MIOS: variants seen among roughly 807,000 people sequenced by gnomAD.
The protein encoded by MIOS is GATOR2 complex protein MIOS.
A neutral mutation model predicts 96.9 loss-of-function variants in MIOS; 52 were observed. The observed-to-expected ratio is 0.54, with a 90% confidence interval of 0.43 to 0.68. MIOS has a LOEUF of 0.68. Among genes scored for constraint, MIOS ranks in the 30% least tolerant of loss-of-function variants. MIOS has a pLI of 0.00. For missense variants in MIOS, 1,005 were observed against 1,052.8 expected (o/e 0.95, Z 0.63); for synonymous variants, 397 against 359.5 (o/e 1.10, Z -1.18).
At chr7:7,588,600 A>G in intron 8 of MIOS, 37 bp downstream of exon 8, 2 of 1,359,334 alleles carry the variant, frequency 1.5e-6, no homozygotes, top group East Asian at 2.4e-5. Context: ...GAAGTAATTA[A>G]TATGTACTGT....
intron 5 of MIOS, among the ~76,000 whole-genome samples, chr7:7,580,907 G>A (rs1341735947): frequency 1.3e-5 from 2 of 149,732 alleles, no homozygotes; most frequent in Non-Finnish European, 3.0e-5. Context: ...GGCTGTTCTC[G>A]AACTCCCGAC....
At chr7:7,584,731 T>C (rs926133909) in intron 6 of MIOS, among the ~76,000 whole-genome samples, 3 of 152,128 alleles carry the variant, frequency 2.0e-5, no homozygotes, top group Admixed American at 6.5e-5. Flanking sequence ...AGAAAACTTA[T>C]ATAATAAGTG....
At chr7:7,588,034 G>A (rs1007409444) in intron 7 of MIOS, among the ~76,000 whole-genome samples, 9 of 152,066 alleles carry the variant, frequency 5.9e-5, no homozygotes, top group African/African-American at 1.9e-4. Flanking sequence ...CTTTGTACTT[G>A]GAAACGTATA....
Position 7,572,370 on chromosome 7 carries a change from G to A in MIOS, c.-40-66G>A, listed in dbSNP as rs866722625. ...AGAGAATTTTCTGACTTTCTGAATA[G>A]TTTATTCAACGTAAGAATTATATTT... On this transcript the variant is annotated intron_variant, in intron 3 of 12. Coordinates refer to ENST00000340080, the MANE Select transcript of MIOS (RefSeq NM_019005.4). This position sits in a 1 kb window ranked among gnomAD's most constrained non-coding sequence, Gnocchi z 4.8. The A allele has an allele frequency of 6.4e-5, 51 of 794,680 alleles. No homozygotes were observed. In the Middle Eastern group the frequency reaches 1.5e-3, roughly 24 times the overall value. The allele number at this position is 794,680 out of a possible 1,614,324, so 49.2% of individuals were successfully genotyped here. A position where few individuals can be genotyped will look rare whatever the true frequency, so the allele number is the denominator to read the frequency against.
chr7:7,580,850 C>T (rs573386570), intron 5 of MIOS, among the ~76,000 whole-genome samples: 12 of 151,048 alleles, frequency 7.9e-5, no homozygotes, highest in Admixed American at 2.0e-4. Flanking sequence ...CCACACCCGG[C>T]TAATTTTTGT....
At chr7:7,567,385 G>T (rs996807443) in intron 1 of MIOS, 1 of 152,608 alleles carries the variant, frequency 6.6e-6, no homozygotes, top group African/African-American at 2.4e-5. Context: ...CCTGGAGCGG[G>T]AGAGTCGGAC....
At chr7:7,579,338 ATAT>A (rs1408836855) in intron 5 of MIOS, among the ~76,000 whole-genome samples, 2 of 152,226 alleles carry the variant, frequency 1.3e-5, no homozygotes, top group Admixed American at 1.3e-4. Context: ...CATGCAGGAC[ATAT>A]TAATATTTCT....
At chr7:7,603,515 C>T (rs937744299) in intron 11 of MIOS, among the ~76,000 whole-genome samples, 2 of 152,126 alleles carry the variant, frequency 1.3e-5, no homozygotes, top group Non-Finnish European at 2.9e-5. Context: ...CAATGAGATA[C>T]CATCTCACAC....
At chr7:7,579,867 T>C (rs1306478686) in intron 5 of MIOS, among the ~76,000 whole-genome samples, 1 of 152,160 alleles carries the variant, frequency 6.6e-6, no homozygotes, top group African/African-American at 2.4e-5. Context: ...AACAACGAAA[T>C]TGCGTAATGA....
intron 5 of MIOS, among the ~76,000 whole-genome samples, chr7:7,575,432 C>A (rs1783498160): frequency 1.3e-5 from 2 of 151,846 alleles, no homozygotes; most frequent in Non-Finnish European, 2.9e-5. Flanking sequence ...AAAAAGTAAC[C>A]TTTATTATAA....
At chr7:7,571,351 T>A (rs948301527) in intron 3 of MIOS, among the ~76,000 whole-genome samples, 2 of 152,208 alleles carry the variant, frequency 1.3e-5, no homozygotes, top group African/African-American at 4.8e-5. Context: ...ATTCAAAGTT[T>A]GTAGAAGCGA....
At chr7:7,605,854 G>T in intron 11 of MIOS, 88 bp from the exon 12 acceptor site, 1 of 1,311,848 alleles carries the variant, frequency 7.6e-7, no homozygotes, top group Non-Finnish European at 1.0e-6. Context: ...ATTCATATTT[G>T]GAACACAGTT....
Position 7,608,889 on chromosome 7 carries a change from G to T in MIOS, c.*1797G>T, listed in dbSNP as rs1246610592. 1 of 151,992 alleles carries T rather than the reference G, an allele frequency of 6.6e-6. No individual in the cohort carries two copies. Among genetic ancestry groups the T allele is most frequent in the Non-Finnish European group, 1.5e-5 (1 of 67,924 alleles). The allele number at this position is 151,992 out of a possible 1,614,324, so 9.4% of individuals were successfully genotyped here. A position where few individuals can be genotyped will look rare whatever the true frequency, so the allele number is the denominator to read the frequency against. On this transcript the variant is annotated 3_prime_UTR_variant, in exon 13 of 13. Transcript: ENST00000340080. ...ATATGAGGGTGACATTTTTAAGATT[G>T]TATGTATGTGTCAACCTCTTAAATG...
Position 7,566,928 on chromosome 7 carries a change from G to A in MIOS, c.-365G>A, listed in dbSNP as rs1783155399. On this transcript the variant is annotated 5_prime_UTR_variant, in exon 1 of 13. Transcript: ENST00000340080. ...CCGCTGCGCGTCCTCCAGGCGTGGT[G>A]GTGGGGTCGTGGGTCCCAGCCCAGT... 6.6e-6 allele frequency: 1 copy of A among 152,188 alleles called. No individual in the cohort carries two copies. The highest frequency in any genetic ancestry group is 6.5e-5 in the Admixed American group (1 of 15,278). 9.4% of individuals were successfully genotyped at this position (152,188 alleles called of 1,614,324 possible). A position where few individuals can be genotyped will look rare whatever the true frequency, so the allele number is the denominator to read the frequency against.
intron 11 of MIOS, among the ~76,000 whole-genome samples, chr7:7,604,234 A>C (rs1298591357): frequency 6.6e-6 from 1 of 152,082 alleles, no homozygotes; most frequent in Non-Finnish European, 1.5e-5. Flanking sequence ...AAAAAAATAA[A>C]GTGCTGGCTA....
At chr7:7,600,076 C>T (rs1257941757) in intron 11 of MIOS, among the ~76,000 whole-genome samples, 1 of 151,916 alleles carries the variant, frequency 6.6e-6, no homozygotes, top group African/African-American at 2.4e-5. Flanking sequence ...ATGTTTATTA[C>T]CTGGATGATG....
At chr7:7,602,498 C>T (rs1286534724) in intron 11 of MIOS, among the ~76,000 whole-genome samples, 2 of 152,018 alleles carry the variant, frequency 1.3e-5, no homozygotes, top group African/African-American at 2.4e-5. Context: ...AATAAAATAC[C>T]TAGGAATCCA....
At chr7:7,602,470 C>G (rs976520825) in intron 11 of MIOS, among the ~76,000 whole-genome samples, 1 of 152,178 alleles carries the variant, frequency 6.6e-6, no homozygotes, top group Non-Finnish European at 1.5e-5. Flanking sequence ...AACTCCCATT[C>G]ACAATTGCTT....
intron 12 of MIOS, among the ~76,000 whole-genome samples, chr7:7,606,791 G>A (rs1784543169): frequency 6.6e-6 from 1 of 152,110 alleles, no homozygotes; most frequent in Non-Finnish European, 1.5e-5. Flanking sequence ...ATTATAGATA[G>A]ATATAAGTAA....
Sources: gnomAD v4.1 joint callset for allele counts (sites outside exome capture counted in the v4.1 genomes callset) on GRCh38, gnomAD v4.1.1 for gene constraint, Gnocchi (gnomAD v3.1) non-coding constraint, MANE v1.5 for transcripts, NCBI Gene and HGNC (gene_info 2026-07-23, HGNC 2026-07-21) for gene names.